Variants in HLF observed in about 807,000 individuals in gnomAD.
The protein encoded by HLF is hepatic leukemia factor.
HLF carries 3 observed loss-of-function variants against 22.6 expected under a neutral mutation model. That is an observed-to-expected ratio of 0.13 (90% CI 0.06 to 0.34). The LOEUF is 0.34. Ranked by LOEUF, HLF falls within the 10% of genes least tolerant of loss-of-function variation. HLF has a pLI of 1.00. For synonymous variants in HLF, 151 were observed against 151.8 expected (o/e 0.99, Z 0.04); for missense variants, 299 against 389.2 (o/e 0.77, Z 1.95).
chr17:55,289,345 G>A (rs1047226521), intron 2 of HLF, among the ~76,000 whole-genome samples: 2 of 152,180 alleles, frequency 1.3e-5, no homozygotes, highest in Non-Finnish European at 2.9e-5. Flanking sequence ...GATTTGCAGT[G>A]CCCTCAATAT....
chr17:55,282,896 A>G (rs1443370605), intron 2 of HLF, among the ~76,000 whole-genome samples: 1 of 152,216 alleles, frequency 6.6e-6, no homozygotes, highest in African/African-American at 2.4e-5. Context: ...AACGCTGAAA[A>G]GCAAAAAACA....
Position 55,265,435 on chromosome 17 carries a change from G to GGTTC in HLF, c.-50_-49insGTTC. 9.4e-7 allele frequency: 1 copy of GGTTC among 1,062,528 alleles called. No individual in the cohort carries two copies. Among genetic ancestry groups the GGTTC allele is most frequent in the Non-Finnish European group, 1.4e-6 (1 of 701,676 alleles). The allele number at this position is 1,062,528 out of a possible 1,614,324, so 65.8% of individuals were successfully genotyped here. On this transcript the variant is annotated 5_prime_UTR_variant, in exon 1 of 4. Transcript: ENST00000226067. The stretch of plus-strand genomic sequence containing the variant: ...CTCAGCAACATTTTAGGGGGCGGTT[G>GGTTC]TTTCTTTCTTATTTCTTTTTTTAAG...
At chr17:55,310,939 ATAAAAC>A (rs1228780673) in intron 2 of HLF, among the ~76,000 whole-genome samples, 1 of 152,202 alleles carries the variant, frequency 6.6e-6, no homozygotes, top group Non-Finnish European at 1.5e-5. Context: ...AAAGAAAACT[ATAAAAC>A]TAAACTGATA....
Position 55,323,586 on chromosome 17 carries a change from T to C in HLF, c.*2707T>C. The C allele has an allele frequency of 4.4e-6, 1 of 226,452 alleles. No homozygotes were observed. The highest frequency in any genetic ancestry group is 6.4e-5 in the East Asian group (1 of 15,712). 14.0% of individuals were successfully genotyped at this position (226,452 alleles called of 1,614,324 possible). On this transcript the variant is annotated 3_prime_UTR_variant, in exon 4 of 4. Coordinates refer to ENST00000226067, the MANE Select transcript of HLF (RefSeq NM_002126.5). ...CAGAAACCTACCTCGTCTTACAAATTTAAACACTTTGGAGTCTGTACAGGT... is the reference window on the plus strand; with the variant it reads ...CAGAAACCTACCTCGTCTTACAAATCTAAACACTTTGGAGTCTGTACAGGT...
intron 2 of HLF, among the ~76,000 whole-genome samples, chr17:55,281,855 A>T (rs1472949760): frequency 6.6e-6 from 1 of 152,216 alleles, no homozygotes; most frequent in Non-Finnish European, 1.5e-5. Context: ...CAGTGGCCAA[A>T]AACCATGGAG....
intron 2 of HLF, among the ~76,000 whole-genome samples, chr17:55,270,595 G>GTA (rs949704770): frequency 6.6e-6 from 1 of 150,740 alleles, no homozygotes; most frequent in Non-Finnish European, 1.5e-5. Flanking sequence ...TCTGGGAGCT[G>GTA]TATAATTTCA....
rs1378745063 is a variant in HLF at position 55,324,793 on chromosome 17, GTGTGTGTGTGTGTGTGCGTGCA to G, written c.*3930_*3951del. The G allele has an allele frequency of 1.3e-5, 3 of 222,868 alleles. No individual in the cohort carries two copies. The South Asian group carries it at 5.9e-4, about 44-fold the overall frequency. 13.8% of individuals were successfully genotyped at this position (222,868 alleles called of 1,614,324 possible). On this transcript the variant is annotated 3_prime_UTR_variant, in exon 4 of 4. Transcript: ENST00000226067. ...TTTGCAGGAGGCTAAGTGTAAGAGTGTGTGTGTGTGTGTGTGCGTGCATGTGTGTGTGTGTGTATGTGTGTGA... is the reference window on the plus strand; with the variant it reads ...TTTGCAGGAGGCTAAGTGTAAGAGTGTGTGTGTGTGTGTGTATGTGTGTGA...
chr17:55,315,368 G>C lies in HLF; in HGVS notation c.593G>C (p.Arg198Pro). Reference sequence around the variant, plus strand: ...CAGGAAATGTTTGACCCTCGCAAACGCAAGTTCTCTGAGGAAGAACTGAAG... The same window carrying C: ...CAGGAAATGTTTGACCCTCGCAAACCCAAGTTCTCTGAGGAAGAACTGAAG... ...PGQEMFDPRK[R>P]KFSEEELKPQ... Residue 198 changes from arginine (R) to proline (P), a missense_variant, in exon 3 of 4, where the codon CGC becomes CCC. By Grantham distance (103) the Arg-to-Pro change is moderately radical. This residue lies in a region of HLF where 224 missense variants were observed against 298.1 expected (regional missense o/e 0.75). Transcript: ENST00000226067. The C allele has an allele frequency of 1.9e-6, 3 of 1,614,110 alleles. No homozygotes were observed. Among genetic ancestry groups the C allele is most frequent in the Non-Finnish European group, 2.5e-6 (3 of 1,180,000 alleles).
At chr17:55,312,982 G>A (rs886634396) in intron 2 of HLF, among the ~76,000 whole-genome samples, 1 of 152,148 alleles carries the variant, frequency 6.6e-6, no homozygotes, top group Non-Finnish European at 1.5e-5. Flanking sequence ...TGGCACTAAG[G>A]TATCTTTGGG....
chr17:55,275,726 G>A (rs2080898947), intron 2 of HLF, among the ~76,000 whole-genome samples: 2 of 152,186 alleles, frequency 1.3e-5, no homozygotes, highest in African/African-American at 4.8e-5. Flanking sequence ...GGGTTTTTGT[G>A]AGCTTTCTAA....
rs1438560017 is a variant in HLF, at chr17:55,325,150, A to G, written c.*4271A>G. 5.5e-6 allele frequency: 1 copy of G among 181,728 alleles called. No homozygotes were observed. Among genetic ancestry groups the G allele is most frequent in the Non-Finnish European group, 1.2e-5 (1 of 85,066 alleles). 11.3% of individuals were successfully genotyped at this position (181,728 alleles called of 1,614,324 possible). On this transcript the variant is annotated 3_prime_UTR_variant, in exon 4 of 4. Coordinates refer to ENST00000226067, the MANE Select transcript of HLF (RefSeq NM_002126.5). Reference sequence around the variant, plus strand: ...AAAGAGACCATTTGTAGAGATTATTACCTAGATAATAAAATGATAATACTA... The same window carrying G: ...AAAGAGACCATTTGTAGAGATTATTGCCTAGATAATAAAATGATAATACTA...
chr17:55,297,400 C>G (rs1385159747), intron 2 of HLF, among the ~76,000 whole-genome samples: 1 of 152,022 alleles, frequency 6.6e-6, no homozygotes, highest in African/African-American at 2.4e-5. Flanking sequence ...TGAAATGTTC[C>G]CAGGTTGGCA....
At chr17:55,293,326 G>A (rs1385754935) in intron 2 of HLF, among the ~76,000 whole-genome samples, 1 of 152,174 alleles carries the variant, frequency 6.6e-6, no homozygotes, top group Non-Finnish European at 1.5e-5. Flanking sequence ...CATTACATGT[G>A]GCAGCTGGAC....
rs1905022049 is a variant in HLF, at chr17:55,315,323, C to T, written c.548C>T (p.Ala183Val). The T allele has an allele frequency of 6.2e-7, 1 of 1,614,174 alleles. No homozygotes were observed. The highest frequency in any genetic ancestry group is 8.5e-7 in the Non-Finnish European group (1 of 1,179,984). ...TATGAGCCAGACCCAGCAGATCTTG[C>T]CCTTTCCAGCATCCCTGGCCAGGAA... ...VGYEPDPADLALSSIPGQEMF... is the reference protein window; with the variant it reads ...VGYEPDPADLVLSSIPGQEMF... Residue 183 changes from alanine to valine, a missense_variant, in exon 3 of 4, where the codon GCC becomes GTC. By Grantham distance (64) the Ala-to-Val change is moderately conservative (BLOSUM62 0). Around this residue, in one of 3 missense-constraint regions of HLF, gnomAD observed 224 missense variants for 298.1 expected, o/e 0.75. Coordinates refer to ENST00000226067, the MANE Select transcript of HLF (RefSeq NM_002126.5).
rs1377819360 is a variant in HLF, at chr17:55,322,451, C to T, written c.*1572C>T. The stretch of plus-strand genomic sequence containing the variant: ...ATTATATAGCAAAGATATATATTCA[C>T]CAATGTTGTACAGAGAAGAAGTGCT... On this transcript the variant is annotated 3_prime_UTR_variant, in exon 4 of 4. Coordinates refer to ENST00000226067, the MANE Select transcript of HLF (RefSeq NM_002126.5). 4.9e-6 allele frequency: 1 copy of T among 204,234 alleles called. No homozygotes were observed. Among genetic ancestry groups the T allele is most frequent in the African/African-American group, 2.3e-5 (1 of 43,658 alleles). 12.7% of individuals were successfully genotyped at this position (204,234 alleles called of 1,614,324 possible). A position where few individuals can be genotyped will look rare whatever the true frequency, so the allele number is the denominator to read the frequency against.
At chr17:55,313,269 T>A (rs1281992663) in intron 2 of HLF, among the ~76,000 whole-genome samples, 5 of 152,138 alleles carry the variant, frequency 3.3e-5, no homozygotes, top group Non-Finnish European at 7.4e-5. Context: ...GAAGCTGAAC[T>A]CTGAAGTATG....
At chr17:55,308,041 G>A (rs1480812964) in intron 2 of HLF, among the ~76,000 whole-genome samples, 3 of 152,188 alleles carry the variant, frequency 2.0e-5, no homozygotes, top group Non-Finnish European at 4.4e-5. Context: ...GACGCAAGGA[G>A]CAGAAGGAAG....
chr17:55,283,918 G>A (rs1420437690), intron 2 of HLF: 2 of 152,212 alleles, frequency 1.3e-5, no homozygotes, highest in Non-Finnish European at 2.9e-5. Flanking sequence ...CTTTAAGGAA[G>A]CTTTGGAGAA....
intron 2 of HLF, among the ~76,000 whole-genome samples, chr17:55,292,952 A>T (rs1427351489): frequency 6.6e-6 from 1 of 152,208 alleles, no homozygotes; most frequent in African/African-American, 2.4e-5. Context: ...GATCTCATGG[A>T]GGTAGACAGT....
Sources: gnomAD v4.1 joint callset for allele counts (sites outside exome capture counted in the v4.1 genomes callset) on GRCh38, gnomAD v4.1.1 for gene constraint, gnomAD v4.1.1 regional missense constraint, MANE v1.5 for transcripts, NCBI Gene and HGNC (gene_info 2026-07-23, HGNC 2026-07-21) for gene names.